Variants in MDGA2 observed in about 807,000 individuals in gnomAD.
MDGA2 encodes MAM domain-containing glycosylphosphatidylinositol anchor protein 2.
MDGA2 carries 40 observed loss-of-function variants against 117.8 expected under a neutral mutation model. That is an observed-to-expected ratio of 0.34 (90% CI 0.26 to 0.44). The LOEUF (loss-of-function observed/expected upper bound fraction) is 0.44, where lower values mean the gene tolerates loss of function less well. Among genes scored for constraint, MDGA2 ranks in the 20% least tolerant of loss-of-function variants. MDGA2 has a pLI of 1.00. For missense variants in MDGA2, 1,123 were observed against 1,250.6 expected, an observed-to-expected ratio of 0.90 and a Z score of 1.54; for synonymous variants, 452 against 439.0, an observed-to-expected ratio of 1.03 and a Z score of -0.37.
At chr14:47,180,757 C>T (rs1206444560) in intron 3 of MDGA2, among the ~76,000 whole-genome samples, 1 of 152,002 alleles carries the variant, frequency 6.6e-6, no homozygotes, top group East Asian at 1.9e-4. Context: ...CCCGTCTCTA[C>T]TAAAAATACA....
At chr14:47,249,523 G>C (rs903552070) in intron 2 of MDGA2, among the ~76,000 whole-genome samples, 2 of 151,994 alleles carry the variant, frequency 1.3e-5, no homozygotes, top group African/African-American at 4.8e-5. Flanking sequence ...ATGTGGTTTT[G>C]CCATGTTGCC....
intron 1 of MDGA2, among the ~76,000 whole-genome samples, chr14:47,591,061 G>T (rs1356533764): frequency 1.3e-5 from 2 of 151,968 alleles, no homozygotes; most frequent in Non-Finnish European, 2.9e-5. Flanking sequence ...CTTTAAACTG[G>T]CAATGAATAG....
At chr14:47,642,415 T>C (rs761620239) in intron 1 of MDGA2, among the ~76,000 whole-genome samples, 1 of 152,070 alleles carries the variant, frequency 6.6e-6, no homozygotes. Flanking sequence ...TTGCAGCATA[T>C]TAAAAACAGA....
chr14:47,133,503 C>T (rs1166454785), intron 4 of MDGA2, among the ~76,000 whole-genome samples: 1 of 151,852 alleles, frequency 6.6e-6, no homozygotes, highest in Non-Finnish European at 1.5e-5. Flanking sequence ...CATAGTTAAC[C>T]TCACTTTATA....
At chr14:47,405,327 T>C (rs995383763) in intron 1 of MDGA2, among the ~76,000 whole-genome samples, 1 of 152,194 alleles carries the variant, frequency 6.6e-6, no homozygotes, top group Non-Finnish European at 1.5e-5. Context: ...GAATATAAAC[T>C]CTGATGTATT....
intron 9 of MDGA2, among the ~76,000 whole-genome samples, chr14:46,937,253 G>A (rs1595056061): frequency 1.7e-5 from 1 of 60,154 alleles, no homozygotes; most frequent in Non-Finnish European, 3.3e-5. Context: ...ATTTAACAAA[G>A]GAAGTAAAAG....
intron 1 of MDGA2, among the ~76,000 whole-genome samples, chr14:47,443,012 T>A (rs1231289937): frequency 1.3e-5 from 2 of 152,126 alleles, no homozygotes; most frequent in Non-Finnish European, 2.9e-5. Context: ...AGTACCCTGA[T>A]TTTACTTAAT....
rs1219786236 is a variant in MDGA2 at position 47,665,873 on chromosome 14, C to T, written c.280+8644G>A. On this transcript the variant is annotated intron_variant, in intron 1 of 16. Transcript: ENST00000399232. ...ACCATGGACTCCTGCGTTGCCTCAG[C>T]CTCCCTGAGGAGCGCGGCCCCCTGC... 2.8e-5 allele frequency among the ~76,000 whole-genome samples: 4 copies of T among 144,380 alleles called. No individual in the cohort carries two copies. In the Admixed American group the frequency reaches 2.8e-4, roughly 10 times the overall value. 94.7% of individuals were successfully genotyped at this position (144,380 alleles called of 152,430 possible). A position where few individuals can be genotyped will look rare whatever the true frequency, so the allele number is the denominator to read the frequency against.
At chr14:47,427,253 C>G (rs1892709748) in intron 1 of MDGA2, among the ~76,000 whole-genome samples, 1 of 152,154 alleles carries the variant, frequency 6.6e-6, no homozygotes, top group African/African-American at 2.4e-5. Flanking sequence ...CTCCTGCTCC[C>G]TTCCTCCCAC....
At chr14:46,972,501 C>A (rs1309216880) in intron 8 of MDGA2, among the ~76,000 whole-genome samples, 1 of 152,090 alleles carries the variant, frequency 6.6e-6, no homozygotes, top group East Asian at 1.9e-4. Context: ...ATACTTATTA[C>A]TTCATTTAAT....
At chr14:47,468,091 CAG>C (rs1471003882) in intron 1 of MDGA2, among the ~76,000 whole-genome samples, 3 of 152,026 alleles carry the variant, frequency 2.0e-5, no homozygotes, top group Non-Finnish European at 4.4e-5. Flanking sequence ...AAGTACAGGA[CAG>C]AGACAGCTGA....
At chr14:47,422,022 C>T (rs761506266) in intron 1 of MDGA2, among the ~76,000 whole-genome samples, 1 of 151,876 alleles carries the variant, frequency 6.6e-6, no homozygotes, top group African/African-American at 2.4e-5. Context: ...TTAAATGCCA[C>T]TAAAAAGACA....
At chr14:47,422,726 G>C (rs546684078) in intron 1 of MDGA2, among the ~76,000 whole-genome samples, 1 of 152,220 alleles carries the variant, frequency 6.6e-6, no homozygotes, top group Admixed American at 6.5e-5. Context: ...AAAATAATCA[G>C]CTGAAATTTT....
intron 3 of MDGA2, among the ~76,000 whole-genome samples, chr14:47,156,409 T>C (rs1021358172): frequency 5.3e-5 from 8 of 152,208 alleles, no homozygotes; most frequent in Non-Finnish European, 1.2e-4. Flanking sequence ...CACTAAATTA[T>C]GGAAGCATTT....
At chr14:46,993,673 C>T (rs1464250312) in intron 8 of MDGA2, among the ~76,000 whole-genome samples, 2 of 152,058 alleles carry the variant, frequency 1.3e-5, no homozygotes, top group African/African-American at 4.8e-5. Context: ...GTTGGCCAGG[C>T]TGGTCTTGAA....
intron 1 of MDGA2, among the ~76,000 whole-genome samples, chr14:47,520,228 T>C (rs1330403348): frequency 1.3e-5 from 2 of 152,174 alleles, no homozygotes; most frequent in Admixed American, 6.5e-5. Flanking sequence ...TACTATTCTC[T>C]CTTTAATGAT....
At chr14:47,116,763 A>T (rs1283525152) in intron 5 of MDGA2, among the ~76,000 whole-genome samples, 1 of 152,136 alleles carries the variant, frequency 6.6e-6, no homozygotes, top group Admixed American at 6.5e-5. Flanking sequence ...AACAACTCAA[A>T]GTGGACTAAA....
intron 3 of MDGA2, among the ~76,000 whole-genome samples, chr14:47,194,621 A>G (rs1332702705): frequency 6.6e-6 from 1 of 152,126 alleles, no homozygotes; most frequent in African/African-American, 2.4e-5. Flanking sequence ...CAACCAGCTA[A>G]TAATAAACCA....
chr14:46,863,131 G>T (rs906760197), intron 14 of MDGA2, among the ~76,000 whole-genome samples: 3 of 151,670 alleles, frequency 2.0e-5, no homozygotes, highest in Non-Finnish European at 2.9e-5. Context: ...CATTGGCTTT[G>T]TCCATTTCTC....
Sources: allele counts gnomAD v4.1 joint callset (sites outside exome capture counted in the v4.1 genomes callset), GRCh38; gene constraint gnomAD v4.1.1; transcripts MANE v1.5; gene names NCBI Gene and HGNC (gene_info 2026-07-23, HGNC 2026-07-21).